Variants in ADAMTSL1 observed in about 807,000 individuals in gnomAD.
ADAMTSL1 encodes ADAMTS-like protein 1.
In ADAMTSL1, 126 loss-of-function variants were observed where a neutral mutation model predicts 201.8. That is an observed-to-expected ratio of 0.62 (90% CI 0.54 to 0.72). The LOEUF is 0.72. Ranked by LOEUF, ADAMTSL1 falls within the 30% of genes least tolerant of loss-of-function variation. The pLI is 0.00. For synonymous variants in ADAMTSL1, 1,121 were observed against 903.4 expected, an observed-to-expected ratio of 1.24 and a Z score of -4.32; for missense variants, 2,679 against 2,277.8, an observed-to-expected ratio of 1.18 and a Z score of -3.59.
In ADAMTSL1 at chr9:18,021,998, A is replaced by G. The variant is rs372755482; in HGVS notation, c.87+115076A>G. ...CTCAGCTCTATAAAAGTGGTGATAA[A>G]AGGCATGAGGAGGGTGGCGGTTAAA... On this transcript the variant is annotated intron_variant, in intron 1 of 29. Transcript: ENST00000680146. Among the ~76,000 whole-genome samples the G allele has an allele frequency of 1.5e-3, 232 of 152,260 alleles. 7 individuals carry two copies. The South Asian group carries it at 0.048, about 31-fold the overall frequency.
chr9:18,147,620 T>A (rs1315136449), intron 1 of ADAMTSL1, among the ~76,000 whole-genome samples: 1 of 152,270 alleles, frequency 6.6e-6, no homozygotes, highest in Non-Finnish European at 1.5e-5. Flanking sequence ...TGCCATCAAC[T>A]AAGCAGAATA....
chr9:17,952,917 CCCTCCTCCTCCTCCT>C (rs59567399), intron 1 of ADAMTSL1, among the ~76,000 whole-genome samples: 90,637 of 146,016 alleles, frequency 0.62, 28,136 homozygotes, highest in East Asian at 0.91. Context: ...TTCCTCCTTT[CCCTCCTCCTCCTCCT>C]CCTCCTCCTC....
chr9:18,553,331 T>C (rs1261095035), intron 3 of ADAMTSL1, among the ~76,000 whole-genome samples: 1 of 151,428 alleles, frequency 6.6e-6, no homozygotes, highest in Non-Finnish European at 1.5e-5. Context: ...TAAAGTTAAA[T>C]AGTATTTATC....
chr9:18,064,255 C>A (rs903810126), intron 1 of ADAMTSL1, among the ~76,000 whole-genome samples: 4 of 151,836 alleles, frequency 2.6e-5, no homozygotes, highest in Admixed American at 1.3e-4. Context: ...GTGGAATGAT[C>A]AATGTAGTCT....
intron 4 of ADAMTSL1, among the ~76,000 whole-genome samples, chr9:18,609,085 C>G (rs1398436042): frequency 6.6e-6 from 1 of 152,130 alleles, no homozygotes; most frequent in Non-Finnish European, 1.5e-5. Flanking sequence ...GAAAATATGT[C>G]TTTCCCAGCA....
chr9:18,027,685 A>G (rs1026394636), intron 1 of ADAMTSL1, among the ~76,000 whole-genome samples: 1 of 151,350 alleles, frequency 6.6e-6, no homozygotes, highest in African/African-American at 2.4e-5. Context: ...AAAAATGTAT[A>G]TTCTGTGGTT....
intron 2 of ADAMTSL1, among the ~76,000 whole-genome samples, chr9:18,415,066 T>C (rs1167187589): frequency 1.3e-5 from 2 of 152,192 alleles, no homozygotes; most frequent in Non-Finnish European, 2.9e-5. Flanking sequence ...TCAGACTGAT[T>C]CCAAGTAACT....
intron 7 of ADAMTSL1, among the ~76,000 whole-genome samples, chr9:18,639,923 G>A (rs2132809463): frequency 6.6e-6 from 1 of 152,238 alleles, no homozygotes; most frequent in East Asian, 1.9e-4. Context: ...GAAGCAACAT[G>A]CACATTCTGC....
At chr9:18,824,610 G>C (rs753684245) in intron 21 of ADAMTSL1, among the ~76,000 whole-genome samples, 1 of 151,650 alleles carries the variant, frequency 6.6e-6, no homozygotes, top group Admixed American at 6.6e-5. Flanking sequence ...CCCCAGCTCA[G>C]GGAAAACACT....
At chr9:18,673,531 A>G (rs575403624) in intron 9 of ADAMTSL1, among the ~76,000 whole-genome samples, 19 of 152,356 alleles carry the variant, frequency 1.2e-4, no homozygotes, top group Non-Finnish European at 2.2e-4. Context: ...ACAAAAACAT[A>G]ATTTCTAAAT....
At chr9:18,362,837 T>C (rs375820940) in intron 2 of ADAMTSL1, among the ~76,000 whole-genome samples, 2 of 152,210 alleles carry the variant, frequency 1.3e-5, no homozygotes, top group East Asian at 3.9e-4. Flanking sequence ...CTCTGCTGAT[T>C]GCATTATCAA....
intron 2 of ADAMTSL1, among the ~76,000 whole-genome samples, chr9:18,275,312 C>T (rs538016827): frequency 6.6e-6 from 1 of 152,168 alleles, no homozygotes; most frequent in Non-Finnish European, 1.5e-5. Context: ...CACAGCACTT[C>T]TGCATAGTTT....
At chr9:18,774,995 C>T (rs1281193852) in intron 17 of ADAMTSL1, among the ~76,000 whole-genome samples, 1 of 152,134 alleles carries the variant, frequency 6.6e-6, no homozygotes, top group East Asian at 1.9e-4. Context: ...TTTTACTTTC[C>T]CACCAGTAAT....
intron 20 of ADAMTSL1, among the ~76,000 whole-genome samples, chr9:18,796,021 T>A (rs1784345519): frequency 6.6e-6 from 1 of 152,216 alleles, no homozygotes. Context: ...TTTCATCCTC[T>A]TGCTCTAATG....
chr9:18,418,152 G>T (rs1004703673), intron 2 of ADAMTSL1, among the ~76,000 whole-genome samples: 3 of 152,164 alleles, frequency 2.0e-5, no homozygotes, highest in Non-Finnish European at 2.9e-5. Flanking sequence ...ATTTATTCAT[G>T]ATAAAATCTC....
intron 4 of ADAMTSL1, among the ~76,000 whole-genome samples, chr9:18,618,028 T>G (rs535959287): frequency 3.9e-5 from 6 of 152,238 alleles, no homozygotes; most frequent in African/African-American, 1.4e-4. Flanking sequence ...CAGAATGGGG[T>G]GGGTCTGGGA....
intron 2 of ADAMTSL1, among the ~76,000 whole-genome samples, chr9:18,436,647 CT>C (rs1819745535): frequency 6.6e-6 from 1 of 152,132 alleles, no homozygotes; most frequent in African/African-American, 2.4e-5. Context: ...CTCTGTGTTG[CT>C]CAGCAGACAC....
chr9:18,659,419 A>T (rs1034272796), intron 8 of ADAMTSL1, among the ~76,000 whole-genome samples: 7 of 152,244 alleles, frequency 4.6e-5, no homozygotes, highest in Non-Finnish European at 5.9e-5. Context: ...CAACACTTTA[A>T]GCATTTCAAT....
chr9:18,202,866 G>T (rs550172027), intron 2 of ADAMTSL1, among the ~76,000 whole-genome samples: 1 of 152,134 alleles, frequency 6.6e-6, no homozygotes, highest in East Asian at 1.9e-4. Flanking sequence ...GAAATAAACA[G>T]ATTGTCAGAT....
Sources: allele counts gnomAD v4.1 joint callset (sites outside exome capture counted in the v4.1 genomes callset), GRCh38; gene constraint gnomAD v4.1.1; transcripts MANE v1.5; gene names NCBI Gene and HGNC (gene_info 2026-07-23, HGNC 2026-07-21).